The following HK1 variants were observed in gnomAD, a reference collection of about 807,000 sequenced individuals.
HK1 encodes the protein hexokinase 1.
A neutral mutation model predicts 91.6 loss-of-function variants in HK1; 28 were observed. The ratio of observed to expected loss-of-function variants is 0.31; its 90% CI spans 0.23 to 0.42. The LOEUF (loss-of-function observed/expected upper bound fraction) is 0.42, where lower values mean the gene tolerates loss of function less well. Ranked by LOEUF, HK1 falls within the 10% of genes least tolerant of loss-of-function variation. The probability of loss-of-function intolerance (pLI) is 1.00; values close to 1 mark genes in which losing one functional copy is unlikely to be tolerated. For missense variants in HK1, 770 were observed against 1,219.8 expected (o/e 0.63, Z 5.49); for synonymous variants, 430 against 468.1 (o/e 0.92, Z 1.05).
intron 1 of HK1, among the ~76,000 whole-genome samples, chr10:69,342,470 G>A (rs1194416693): frequency 6.6e-6 from 1 of 152,174 alleles, no homozygotes; most frequent in Non-Finnish European, 1.5e-5. Context: ...GAAAAGGAAG[G>A]GCATTTCAGG....
At chr10:69,294,153 G>A (rs950382165) in intron 3 of HK1, among the ~76,000 whole-genome samples, 11 of 152,068 alleles carry the variant, frequency 7.2e-5, no homozygotes, top group South Asian at 2.1e-4. Flanking sequence ...GAGCCACCGC[G>A]CCCGGCCCTG....
At chr10:69,331,429 G>C (rs534473856) in intron 1 of HK1, among the ~76,000 whole-genome samples, 1 of 152,282 alleles carries the variant, frequency 6.6e-6, no homozygotes, top group African/African-American at 2.4e-5. Context: ...TGCTGGGGCT[G>C]TGTGTCCAGA....
chr10:69,360,411 C>T (rs1564540316), intron 3 of HK1, among the ~76,000 whole-genome samples: 1 of 152,188 alleles, frequency 6.6e-6, no homozygotes, highest in East Asian at 1.9e-4. Flanking sequence ...TGAAAATGCC[C>T]TTTTCTCCTG....
chr10:69,348,615 G>A (rs979513963), intron 2 of HK1, among the ~76,000 whole-genome samples: 7 of 152,100 alleles, frequency 4.6e-5, no homozygotes, highest in Non-Finnish European at 8.8e-5. Context: ...GTTGGAGACC[G>A]GCCTAGCCAA....
rs1176654400 is a variant in HK1 at position 69,359,951 on chromosome 10, G to A, written c.281G>A (p.Arg94Gln). ...DLGGSSFRIL[R>Q]VQVNHEKNQN... is the part of the protein sequence containing the mutation. ...GGTGGGTCTTCCTTTCGAATTCTGC[G>A]GGTGCAAGTGAATCATGAGAAAAAC... Residue 94 changes from arginine to glutamine, a missense_variant, in exon 3 of 18, where the codon CGG (arginine) becomes CAG (glutamine). Coordinates refer to ENST00000359426, the MANE Select transcript of HK1 (RefSeq NM_000188.3). 4 of 1,613,922 alleles carry A rather than the reference G, an allele frequency of 2.5e-6. No homozygotes were observed. The highest frequency in any genetic ancestry group is 2.2e-5 in the East Asian group (1 of 44,888).
At chr10:69,368,949 C>T (rs757817007) in intron 5 of HK1, among the ~76,000 whole-genome samples, 10 of 152,174 alleles carry the variant, frequency 6.6e-5, no homozygotes, top group Admixed American at 1.3e-4. Context: ...CCCGCCTTAT[C>T]GGGGACGTGG....
intron 2 of HK1, among the ~76,000 whole-genome samples, chr10:69,349,781 A>G (rs1160110964): frequency 1.3e-5 from 2 of 152,196 alleles, no homozygotes; most frequent in East Asian, 3.9e-4. Context: ...ATGGAGGGCA[A>G]GTGGGTATTT....
At chr10:69,330,660 C>G (rs980300929) in intron 1 of HK1, among the ~76,000 whole-genome samples, 1 of 152,068 alleles carries the variant, frequency 6.6e-6, no homozygotes, top group Non-Finnish European at 1.5e-5. Flanking sequence ...GATGCAGACT[C>G]TCATTCAAGA....
intron 1 of HK1, among the ~76,000 whole-genome samples, chr10:69,277,700 AT>A (rs1335200606): frequency 6.6e-6 from 1 of 152,228 alleles, no homozygotes; most frequent in African/African-American, 2.4e-5. Flanking sequence ...ATAAGCCTAA[AT>A]AAAATACTAT....
chr10:69,385,028 C>G (rs1839568045), intron 12 of HK1, 113 bp downstream of exon 12: 1 of 1,130,932 alleles, frequency 8.8e-7, no homozygotes, highest in Non-Finnish European at 1.3e-6. Flanking sequence ...AGATGACAGT[C>G]ACAGTCACAG....
In HK1 at chr10:69,392,216, G is replaced by A; in HGVS notation, c.2127G>A (p.Trp709Ter). ...DQGQMCINME[W>*]GAFGDNGCLD... ...GGCAGATGTGCATCAACATGGAGTG[G>A]GGGGCCTTTGGGGACAACGGGTGTC... is the stretch of plus-strand genomic sequence containing the variant. Residue 709 changes from tryptophan (W) to a stop codon, truncating the protein, a stop_gained, in exon 15 of 18, where the codon TGG becomes TGA. Transcript: ENST00000359426. LOFTEE classifies it high-confidence loss of function. The A allele has an allele frequency of 6.2e-7, 1 of 1,614,182 alleles. No homozygotes were observed. The highest frequency in any genetic ancestry group is 8.5e-7 in the Non-Finnish European group (1 of 1,180,040).
intron 5 of HK1, among the ~76,000 whole-genome samples, chr10:69,310,376 G>A (rs1589463599): frequency 6.8e-6 from 1 of 147,638 alleles, no homozygotes; most frequent in South Asian, 2.1e-4. Context: ...AGCCGAGATC[G>A]TGCCACTGAA....
At chr10:69,283,216 G>A (rs976772851) in intron 2 of HK1, among the ~76,000 whole-genome samples, 1 of 151,286 alleles carries the variant, frequency 6.6e-6, no homozygotes, top group African/African-American at 2.4e-5. Flanking sequence ...AGAGGCCAAG[G>A]CGGGAGGATC....
intron 1 of HK1, among the ~76,000 whole-genome samples, chr10:69,321,340 T>C (rs1847010652): frequency 6.6e-6 from 1 of 152,160 alleles, no homozygotes; most frequent in East Asian, 1.9e-4. Flanking sequence ...GGGGACCACA[T>C]CTGCTCTTCT....
At chr10:69,326,602 T>C (rs1469801595) in intron 1 of HK1, among the ~76,000 whole-genome samples, 1 of 152,260 alleles carries the variant, frequency 6.6e-6, no homozygotes, top group East Asian at 1.9e-4. Flanking sequence ...ACCTGTATTT[T>C]AATACTGTCC....
Position 69,343,928 on chromosome 10 carries a change from T to G in HK1, c.165T>G (p.Phe55Leu). Residue 55 changes from phenylalanine to leucine, a missense_variant, in exon 2 of 18, where the codon TTT becomes TTG. Physicochemically the swap from Phe to Leu is conservative, Grantham distance 22. Around this residue, in one of 7 missense-constraint regions of HK1, gnomAD observed 449 missense variants for 665.1 expected, o/e 0.68. Coordinates refer to ENST00000359426, the MANE Select transcript of HK1 (RefSeq NM_000188.3). ...KEMKNGLSRD[F>L]NPTATVKMLP... ...TGAAGAATGGCCTCTCCCGGGATTT[T>G]AATCCAACAGCCACAGTCAAGATGT... The G allele has an allele frequency of 6.2e-7, 1 of 1,614,072 alleles. No individual in the cohort carries two copies. Among genetic ancestry groups the G allele is most frequent in the South Asian group, 1.1e-5 (1 of 91,084 alleles).
At chr10:69,328,754 T>C (rs1336668759) in intron 1 of HK1, among the ~76,000 whole-genome samples, 1 of 152,184 alleles carries the variant, frequency 6.6e-6, no homozygotes, top group Non-Finnish European at 1.5e-5. Flanking sequence ...TCCAGAATAT[T>C]TTCATCACCC....
At chr10:69,353,654 A>G (rs913815066) in intron 2 of HK1, among the ~76,000 whole-genome samples, 1 of 151,516 alleles carries the variant, frequency 6.6e-6, no homozygotes, top group Non-Finnish European at 1.5e-5. Flanking sequence ...AAGAAAACCT[A>G]GAATGACTGA....
At chr10:69,290,427 C>T (rs969664246) in intron 3 of HK1, among the ~76,000 whole-genome samples, 27 of 152,330 alleles carry the variant, frequency 1.8e-4, no homozygotes, top group Admixed American at 1.6e-3. Context: ...TCTTCAGCTT[C>T]TTTGAGAAGG....
Sources: allele counts gnomAD v4.1 joint callset (sites outside exome capture counted in the v4.1 genomes callset), GRCh38; gene constraint gnomAD v4.1.1; regional missense constraint gnomAD v4.1.1; transcripts MANE v1.5; gene names NCBI Gene and HGNC (gene_info 2026-07-23, HGNC 2026-07-21).